KCTD17: variants seen among roughly 807,000 people sequenced by gnomAD.
KCTD17 encodes the protein potassium channel tetramerization domain containing 17, also known as BTB/POZ domain-containing protein KCTD17.
In KCTD17, 20 loss-of-function variants were observed where a neutral mutation model predicts 41.5. That is an observed-to-expected ratio of 0.48 (90% CI 0.34 to 0.70). The LOEUF is 0.70. Ranked by LOEUF, KCTD17 falls within the 30% of genes least tolerant of loss-of-function variation. The pLI, the probability that KCTD17 is intolerant of heterozygous loss-of-function variation, is 0.01. For missense variants in KCTD17, 317 were observed against 427.2 expected (o/e 0.74, Z 2.27); for synonymous variants, 156 against 173.8 (o/e 0.90, Z 0.80).
chr22:37,053,403 A>G lies in KCTD17; in HGVS notation c.298+195A>G, dbSNP rs1055340906. On this transcript the variant is annotated intron_variant, in intron 2 of 8. Coordinates refer to ENST00000403888, the MANE Select transcript of KCTD17 (RefSeq NM_001282684.2). The surrounding 1 kb of genome is among the most constrained non-coding windows in gnomAD (Gnocchi z 4.1). ...GGGCTCTGCCAAGCGGACGGGCTCA[A>G]GCTTTCCCTGGGTACTGTCAGGGAG... 2.6e-5 allele frequency among the ~76,000 whole-genome samples: 4 copies of G among 152,238 alleles called. No individual in the cohort carries two copies. Among genetic ancestry groups the G allele is most frequent in the African/African-American group, 7.2e-5 (3 of 41,472 alleles).
intron 4 of KCTD17, among the ~76,000 whole-genome samples, chr22:37,058,014 G>C (rs771757247): frequency 6.6e-6 from 1 of 152,230 alleles, no homozygotes; most frequent in Non-Finnish European, 1.5e-5. Flanking sequence ...TATGGTGAAC[G>C]GTGGTTCCTC....
chr22:37,061,669 G>A lies in KCTD17; in HGVS notation c.875+40G>A, dbSNP rs748291483. On this transcript the variant is annotated intron_variant, in intron 8 of 8. Coordinates refer to ENST00000403888, the MANE Select transcript of KCTD17 (RefSeq NM_001282684.2). This position sits in a 1 kb window ranked among gnomAD's most constrained non-coding sequence, Gnocchi z 6.6. ...GGTGCTGGAGGGAGGGGTGGAGCGAGGAGGGTGCTCATCTCTTGATCCTTG... is the reference window on the plus strand; with the variant it reads ...GGTGCTGGAGGGAGGGGTGGAGCGAAGAGGGTGCTCATCTCTTGATCCTTG... 9.0e-6 allele frequency: 14 copies of A among 1,557,788 alleles called. No individual in the cohort carries two copies. In the Admixed American group the frequency reaches 2.6e-4, roughly 29 times the overall value.
Position 37,056,306 on chromosome 22 carries a change from T to A in KCTD17, c.299-14T>A. On this transcript the variant is annotated splice_polypyrimidine_tract_variant and intron_variant, in intron 2 of 8. Coordinates refer to ENST00000403888, the MANE Select transcript of KCTD17 (RefSeq NM_001282684.2). ...GCAGAAGGAGTGACCTGGGATCTGT[T>A]CTGTCTGTGCCAGGGGTCCTGGAGG... 2 of 1,611,252 alleles carry A rather than the reference T, an allele frequency of 1.2e-6. No individual in the cohort carries two copies. Among genetic ancestry groups the A allele is most frequent in the South Asian group, 2.2e-5 (2 of 90,490 alleles).
chr22:37,056,702 G>T (rs1217928675), intron 3 of KCTD17, among the ~76,000 whole-genome samples: 1 of 152,234 alleles, frequency 6.6e-6, no homozygotes, highest in Non-Finnish European at 1.5e-5. Flanking sequence ...ATAGAGAGGG[G>T]TGGGAATGGC....
intron 3 of KCTD17, among the ~76,000 whole-genome samples, chr22:37,056,945 G>A (rs1925196705): frequency 6.6e-6 from 1 of 152,110 alleles, no homozygotes; most frequent in Non-Finnish European, 1.5e-5. Flanking sequence ...ATGTGTGAGG[G>A]TTGGGGGACA....
chr22:37,052,296 G>A, intron 1 of KCTD17: 3 of 372,094 alleles, frequency 8.1e-6, no homozygotes, highest in South Asian at 6.7e-5. Flanking sequence ...GAGTCGACGA[G>A]GCTACTTCTC....
intron 4 of KCTD17, among the ~76,000 whole-genome samples, chr22:37,057,723 G>T (rs1214534231): frequency 6.6e-6 from 1 of 152,202 alleles, no homozygotes; most frequent in Non-Finnish European, 1.5e-5. Flanking sequence ...ACAGCACGGG[G>T]TGTCCTTGTT....
chr22:37,056,414 C>T lies in KCTD17; in HGVS notation c.390+3C>T, dbSNP rs773015272. 8 of 1,611,934 alleles carry T rather than the reference C, an allele frequency of 5.0e-6. No homozygotes were observed. The Admixed American group carries it at 5.0e-5, about 10-fold the overall frequency. ...AGAAGGACTACACGGTCACCCAGGT[C>T]GGGAGCAGGGGCAGCACACACGGCC... On this transcript the variant is annotated splice_donor_region_variant and intron_variant, in intron 3 of 8. Coordinates refer to ENST00000403888, the MANE Select transcript of KCTD17 (RefSeq NM_001282684.2).
Position 37,053,230 on chromosome 22 carries a change from G to A in KCTD17, c.298+22G>A. 2 of 1,543,684 alleles carry A rather than the reference G, an allele frequency of 1.3e-6. No homozygotes were observed. Among genetic ancestry groups the A allele is most frequent in the Non-Finnish European group, 1.8e-6 (2 of 1,131,372 alleles). On this transcript the variant is annotated intron_variant, in intron 2 of 8. Coordinates refer to ENST00000403888, the MANE Select transcript of KCTD17 (RefSeq NM_001282684.2). This position sits in a 1 kb window ranked among gnomAD's most constrained non-coding sequence, Gnocchi z 4.1. The stretch of plus-strand genomic sequence containing the variant: ...GAGGGTGAGTTGGTCCAGGGGGCTG[G>A]CCTGGACCTTATGCAGCCTGCCAGG...
intron 2 of KCTD17, among the ~76,000 whole-genome samples, chr22:37,054,502 C>G (rs1924866793): frequency 6.6e-6 from 1 of 151,204 alleles, no homozygotes; most frequent in South Asian, 2.1e-4. Flanking sequence ...GCTAGGGGAT[C>G]ACGCAGGGCT....
rs572822016 is a variant in KCTD17, at chr22:37,054,490, G to A, written c.298+1282G>A. On this transcript the variant is annotated intron_variant, in intron 2 of 8. Coordinates refer to ENST00000403888, the MANE Select transcript of KCTD17 (RefSeq NM_001282684.2). ...TAGGGGATCACACAGGGCTATCCGG[G>A]GGCTAGGGGATCACGCAGGGCTATC... Among the ~76,000 whole-genome samples, 86 of 151,748 alleles carry A rather than the reference G, an allele frequency of 5.7e-4. 2 individuals are homozygous for A. The South Asian group carries it at 0.018, about 31-fold the overall frequency.
At chr22:37,056,928 CTG>C (rs1483128397) in intron 3 of KCTD17, among the ~76,000 whole-genome samples, 1 of 151,954 alleles carries the variant, frequency 6.6e-6, no homozygotes, top group Non-Finnish European at 1.5e-5. Flanking sequence ...TCCGCCTACT[CTG>C]GGGGATGTGT....
At position 37,051,915 on chromosome 22, in the gene KCTD17, G is replaced by A; in HGVS notation, c.155G>A (p.Arg52His). The A allele has an allele frequency of 2.0e-6, 3 of 1,501,638 alleles. No homozygotes were observed. The highest frequency in any genetic ancestry group is 2.1e-5 in the Admixed American group (1 of 48,196). 93.0% of individuals were successfully genotyped at this position (1,501,638 alleles called of 1,614,324 possible). The stretch of plus-strand genomic sequence containing the variant: ...CGCGAGCAGAAGTCCTTCCTCAGCC[G>A]CCTGTGCCAGGGGGAAGAGCTGCAG... ...LCREQKSFLSRLCQGEELQSD... is the reference protein window; with the variant it reads ...LCREQKSFLSHLCQGEELQSD... Residue 52 changes from arginine (R) to histidine (H), a missense_variant, in exon 1 of 9, where the codon CGC (arginine) becomes CAC (histidine). Around this residue, in one of 4 missense-constraint regions of KCTD17, gnomAD observed 99 missense variants for 166.5 expected, o/e 0.59. Coordinates refer to ENST00000403888, the MANE Select transcript of KCTD17 (RefSeq NM_001282684.2).
At chr22:37,052,484 C>T in intron 1 of KCTD17, 3 of 461,366 alleles carry the variant, frequency 6.5e-6, no homozygotes, top group South Asian at 4.6e-5. Flanking sequence ...TCGGACCCTT[C>T]CCTGCACTGC....
In KCTD17 at chr22:37,061,936, TG is replaced by T. The variant is rs1925847681; in HGVS notation, c.875+311del. ...TGCCTTGTGGCATCCCCTATTTCTGTGGGGATGGGGAGGACAGGCCACTTTT... is the reference window on the plus strand; with the variant it reads ...TGCCTTGTGGCATCCCCTATTTCTGTGGGATGGGGAGGACAGGCCACTTTT... On this transcript the variant is annotated intron_variant, in intron 8 of 8. Transcript: ENST00000403888. This position sits in a 1 kb window ranked among gnomAD's most constrained non-coding sequence, Gnocchi z 6.6. 1 of 985,196 alleles carries T rather than the reference TG, an allele frequency of 1.0e-6. No individual in the cohort carries two copies. The highest frequency in any genetic ancestry group is 1.2e-6 in the Non-Finnish European group (1 of 829,900). 61.0% of individuals were successfully genotyped at this position (985,196 alleles called of 1,614,324 possible).
intron 3 of KCTD17, 63 bp from the exon 4 acceptor site, chr22:37,057,335 A>T: frequency 7.7e-7 from 1 of 1,295,274 alleles, no homozygotes; most frequent in Non-Finnish European, 1.1e-6. Flanking sequence ...GCAGGTGCTC[A>T]TGCCCCTCCT....
chr22:37,062,414 CT>C, intron 8 of KCTD17, 110 bp from the exon 9 acceptor site: 1 of 1,318,086 alleles, frequency 7.6e-7, no homozygotes. Flanking sequence ...CTCTCTCCCT[CT>C]CCCCCACCCG....
Position 37,055,872 on chromosome 22 carries a change from A to G in KCTD17, c.299-448A>G, listed in dbSNP as rs79570630. Among the ~76,000 whole-genome samples the G allele has an allele frequency of 5.9e-5, 9 of 152,348 alleles. No individual in the cohort carries two copies. The East Asian group carries it at 1.3e-3, about 23-fold the overall frequency. ...GAGCCTCAGTTTTCCCAGTTGTTCA[A>G]TGCAGATGATGAAAGTACCTCCTTC... On this transcript the variant is annotated intron_variant, in intron 2 of 8. Transcript: ENST00000403888.
Position 37,053,731 on chromosome 22 carries a change from AG to A in KCTD17, c.298+529del, listed in dbSNP as rs1247924226. Among the ~76,000 whole-genome samples the A allele has an allele frequency of 6.6e-6, 1 of 151,870 alleles. No homozygotes were observed. Among genetic ancestry groups the A allele is most frequent in the African/African-American group, 2.4e-5 (1 of 41,284 alleles). On this transcript the variant is annotated intron_variant, in intron 2 of 8. Transcript: ENST00000403888. The surrounding 1 kb of genome is among the most constrained non-coding windows in gnomAD (Gnocchi z 4.1). ...TGCTGGCTGTGGGTGGAGGCAGGAG[AG>A]GGGGGAGTCTGCTTCCCAGTGGGGC... is the stretch of plus-strand genomic sequence containing the variant.
Sources: gnomAD v4.1 joint callset for allele counts (sites outside exome capture counted in the v4.1 genomes callset) on GRCh38, gnomAD v4.1.1 for gene constraint, gnomAD v4.1.1 regional missense constraint, Gnocchi (gnomAD v3.1) non-coding constraint, MANE v1.5 for transcripts, NCBI Gene and HGNC (gene_info 2026-07-23, HGNC 2026-07-21) for gene names.